SLC35F4: variants seen among roughly 807,000 people sequenced by gnomAD.
SLC35F4 encodes the protein chromosome 14 open reading frame 36.
Under a neutral mutation model 44.2 loss-of-function variants are expected in SLC35F4, and 24 were observed. That is an observed-to-expected ratio of 0.54 (90% CI 0.39 to 0.76). The LOEUF (loss-of-function observed/expected upper bound fraction) is 0.76, where lower values mean the gene tolerates loss of function less well. Among genes scored for constraint, SLC35F4 ranks in the 30% least tolerant of loss-of-function variants. The pLI is 0.00. For synonymous variants in SLC35F4, 238 were observed against 223.6 expected (o/e 1.06, Z -0.57); for missense variants, 562 against 586.1 (o/e 0.96, Z 0.42).
intron 1 of SLC35F4, among the ~76,000 whole-genome samples, chr14:57,704,445 G>GA (rs1265011700): frequency 3.3e-5 from 5 of 152,160 alleles, no homozygotes; most frequent in South Asian, 2.1e-4. Context: ...GACTGTCTTA[G>GA]AAAAAAATGT....
intron 1 of SLC35F4, among the ~76,000 whole-genome samples, chr14:57,783,514 T>C (rs2077680527): frequency 6.6e-6 from 1 of 152,178 alleles, no homozygotes; most frequent in South Asian, 2.1e-4. Context: ...GTTGGGTTTA[T>C]CATCAGGACA....
At chr14:57,657,596 C>T (rs1327332319) in intron 1 of SLC35F4, among the ~76,000 whole-genome samples, 1 of 152,072 alleles carries the variant, frequency 6.6e-6, no homozygotes, top group African/African-American at 2.4e-5. Flanking sequence ...CTCCACTGTG[C>T]CACAAATTGC....
chr14:57,833,211 C>G (rs1884562072), intron 1 of SLC35F4, among the ~76,000 whole-genome samples: 1 of 152,186 alleles, frequency 6.6e-6, no homozygotes, highest in Admixed American at 6.5e-5. Context: ...TAAAGACAGA[C>G]AGAATTCTCA....
At chr14:57,630,672 A>G (rs574198562) in intron 1 of SLC35F4, 5 of 657,024 alleles carry the variant, frequency 7.6e-6, no homozygotes, top group Admixed American at 2.1e-5. Context: ...GACTAGTCCT[A>G]TGCTCAGTGG....
At chr14:57,849,274 G>A (rs1030241507) in intron 1 of SLC35F4, among the ~76,000 whole-genome samples, 1 of 152,204 alleles carries the variant, frequency 6.6e-6, no homozygotes, top group African/African-American at 2.4e-5. Context: ...CGATCCTGCT[G>A]CCTCAGCCCC....
At chr14:57,924,119 T>C (rs1889497929) in intron 1 of SLC35F4, among the ~76,000 whole-genome samples, 1 of 152,246 alleles carries the variant, frequency 6.6e-6, no homozygotes, top group Non-Finnish European at 1.5e-5. Context: ...CAGCCATGAT[T>C]GTGAGGCCTC....
At chr14:57,839,448 G>A (rs1342071759) in intron 1 of SLC35F4, among the ~76,000 whole-genome samples, 1 of 152,144 alleles carries the variant, frequency 6.6e-6, no homozygotes, top group South Asian at 2.1e-4. Flanking sequence ...AGATGGAGCT[G>A]GAAGCTGTTA....
chr14:57,587,598 C>T (rs2139871760), intron 3 of SLC35F4, among the ~76,000 whole-genome samples: 1 of 152,240 alleles, frequency 6.6e-6, no homozygotes, highest in African/African-American at 2.4e-5. Context: ...GGGAGGGGAA[C>T]ATCCCACACC....
intron 1 of SLC35F4, among the ~76,000 whole-genome samples, chr14:57,736,072 T>C (rs2076457127): frequency 6.6e-6 from 1 of 152,138 alleles, no homozygotes; most frequent in Non-Finnish European, 1.5e-5. Flanking sequence ...CTTAGGGAGA[T>C]AATGCTACAG....
intron 1 of SLC35F4, among the ~76,000 whole-genome samples, chr14:57,622,758 A>T (rs901556949): frequency 6.6e-6 from 1 of 152,180 alleles, no homozygotes; most frequent in Non-Finnish European, 1.5e-5. Context: ...AGCATGGCAC[A>T]TGTATACATA....
chr14:57,742,842 A>T (rs1400448246), intron 1 of SLC35F4, among the ~76,000 whole-genome samples: 2 of 152,192 alleles, frequency 1.3e-5, no homozygotes, highest in Non-Finnish European at 2.9e-5. Flanking sequence ...TCCTCAGCAA[A>T]TGTAAAAGAA....
At position 57,735,883 on chromosome 14, in the gene SLC35F4, G is replaced by C. The variant is rs548987909; in HGVS notation, c.103+129840C>G. 2.6e-5 allele frequency among the ~76,000 whole-genome samples: 4 copies of C among 151,822 alleles called. No individual in the cohort carries two copies. The East Asian group carries it at 7.7e-4, about 29-fold the overall frequency. ...ACTACAAGTGTGTGCCACCACCCCC[G>C]GCTAATTTATTTTTACTTTTAGAGA... On this transcript the variant is annotated intron_variant, in intron 1 of 7. Coordinates refer to ENST00000556826, the MANE Select transcript of SLC35F4 (RefSeq NM_001306087.2).
Position 57,759,460 on chromosome 14 carries a change from A to G in SLC35F4, c.103+106263T>C, listed in dbSNP as rs572131948. Among the ~76,000 whole-genome samples, 5 of 152,212 alleles carry G rather than the reference A, an allele frequency of 3.3e-5. No homozygotes were observed. The South Asian group carries it at 1.0e-3, about 32-fold the overall frequency. On this transcript the variant is annotated intron_variant, in intron 1 of 7. Transcript: ENST00000556826. ...CTAGGCATAGTGGTGCATGCCTGTGATCCCAGCTACTAGGAAGACTGAGGT... is the reference window on the plus strand; with the variant it reads ...CTAGGCATAGTGGTGCATGCCTGTGGTCCCAGCTACTAGGAAGACTGAGGT...
chr14:57,950,606 T>C (rs757923443), intron 1 of SLC35F4, among the ~76,000 whole-genome samples: 3 of 151,946 alleles, frequency 2.0e-5, no homozygotes, highest in Non-Finnish European at 2.9e-5. Context: ...CTCTGTTTTG[T>C]CATATTACCA....
intron 1 of SLC35F4, among the ~76,000 whole-genome samples, chr14:57,616,893 G>C (rs1050046117): frequency 6.6e-6 from 1 of 151,898 alleles, no homozygotes; most frequent in Admixed American, 6.6e-5. Flanking sequence ...CTAAACCTTA[G>C]CCCCTCTTCT....
At chr14:57,845,812 G>A (rs1162630658) in intron 1 of SLC35F4, among the ~76,000 whole-genome samples, 1 of 152,138 alleles carries the variant, frequency 6.6e-6, no homozygotes, top group Non-Finnish European at 1.5e-5. Context: ...CCTTTATCAA[G>A]CAATCAAACT....
At chr14:57,694,237 G>A (rs1204739859) in intron 1 of SLC35F4, among the ~76,000 whole-genome samples, 2 of 152,042 alleles carry the variant, frequency 1.3e-5, no homozygotes, top group Non-Finnish European at 2.9e-5. Context: ...CCAAAGAATG[G>A]ATCCTTAAAC....
At chr14:57,662,507 G>T (rs1321689379) in intron 1 of SLC35F4, among the ~76,000 whole-genome samples, 1 of 152,112 alleles carries the variant, frequency 6.6e-6, no homozygotes, top group Non-Finnish European at 1.5e-5. Flanking sequence ...GTTGTTATAA[G>T]CCTAGCCCCT....
chr14:57,593,983 G>C lies in SLC35F4; in HGVS notation c.245C>G (p.Ser82Cys), dbSNP rs1270526163. 6.2e-7 allele frequency: 1 copy of C among 1,613,764 alleles called. No homozygotes were observed. The highest frequency in any genetic ancestry group is 8.5e-7 in the Non-Finnish European group (1 of 1,179,872). Residue 82 changes from serine to cysteine, a missense_variant, in exon 2 of 8, where the codon TCC (serine) becomes TGC (cysteine). By Grantham distance (112) the Ser-to-Cys change is moderately radical. Transcript: ENST00000556826. ...APILELQNQGSSGVCGHRVER... is the reference protein window; with the variant it reads ...APILELQNQGCSGVCGHRVER... ...AACTCTGTGTCCACAAACTCCTGAG[G>C]ATCCTTGGTTTTGAAGTTCAAGAAT...
Sources: allele counts gnomAD v4.1 joint callset (sites outside exome capture counted in the v4.1 genomes callset), GRCh38; gene constraint gnomAD v4.1.1; transcripts MANE v1.5; gene names NCBI Gene and HGNC (gene_info 2026-07-23, HGNC 2026-07-21).